Variants in GRIN2A observed in about 807,000 individuals in gnomAD.
GRIN2A encodes glutamate receptor ionotropic, NMDA 2A.
GRIN2A carries 22 observed loss-of-function variants against 113.4 expected under a neutral mutation model. The observed-to-expected ratio is 0.19, with a 90% CI of 0.14 to 0.28. The LOEUF (loss-of-function observed/expected upper bound fraction) is 0.28. Among genes scored for constraint, GRIN2A ranks in the 10% least tolerant of loss-of-function variants. The probability of loss-of-function intolerance (pLI) is 1.00; values close to 1 mark genes in which losing one functional copy is unlikely to be tolerated. For synonymous variants in GRIN2A, 827 were observed against 738.4 expected (o/e 1.12, Z -1.94); for missense variants, 1,502 against 1,887.0 (o/e 0.80, Z 3.78).
At chr16:10,146,817 A>G (rs1448002661) in intron 2 of GRIN2A, among the ~76,000 whole-genome samples, 1 of 151,862 alleles carries the variant, frequency 6.6e-6, no homozygotes, top group Non-Finnish European at 1.5e-5. Flanking sequence ...GCTTTTGGAG[A>G]AACTACATAA....
chr16:10,093,350 A>G (rs17671178), intron 2 of GRIN2A, among the ~76,000 whole-genome samples: 12,756 of 152,258 alleles, frequency 0.084, 698 homozygotes, highest in Non-Finnish European at 0.13. Flanking sequence ...TCATAGGCAC[A>G]TCCCAGGTGT....
intron 2 of GRIN2A, among the ~76,000 whole-genome samples, chr16:10,035,107 C>G (rs1360033618): frequency 6.6e-6 from 1 of 151,852 alleles, no homozygotes. Context: ...CTCACTACAG[C>G]CTTGAACTCT....
intron 2 of GRIN2A, among the ~76,000 whole-genome samples, chr16:10,156,747 A>T (rs1279751857): frequency 6.6e-6 from 1 of 152,206 alleles, no homozygotes; most frequent in African/African-American, 2.4e-5. Context: ...ACTAACAATG[A>T]CATGTTTCAC....
In GRIN2A at chr16:9,937,255, G is replaced by T. The variant is rs187592035; in HGVS notation, c.1007+704C>A. ...GCGGGAGGTGGGGATGATCAATAGG[G>T]TAAAAAAAAACATAGAAAGAATGAA... On this transcript the variant is annotated intron_variant, in intron 3 of 12. Transcript: ENST00000330684. Among the ~76,000 whole-genome samples, 313 of 151,418 alleles carry T rather than the reference G, an allele frequency of 2.1e-3. 1 individual carries two copies. The highest frequency in any genetic ancestry group is 5.3e-3 in the African/African-American group (219 of 41,276).
At position 9,832,089 on chromosome 16, in the gene GRIN2A, T is replaced by G. The variant is rs537830139; in HGVS notation, c.1777+2016A>C. Among the ~76,000 whole-genome samples the G allele has an allele frequency of 5.2e-4, 29 of 56,236 alleles. No individual in the cohort carries two copies. In the South Asian group the frequency reaches 0.015, roughly 29 times the overall value. 36.9% of individuals were successfully genotyped at this position (56,236 alleles called of 152,430 possible). A position where few individuals can be genotyped will look rare whatever the true frequency, so the allele number is the denominator to read the frequency against. On this transcript the variant is annotated intron_variant, in intron 8 of 12. Transcript: ENST00000330684. ...ACGCATCATCACGCCAGGCTTATTTTATTTATTTATTTATTTATTTATTTA... is the reference window on the plus strand; with the variant it reads ...ACGCATCATCACGCCAGGCTTATTTGATTTATTTATTTATTTATTTATTTA...
chr16:10,106,904 C>T (rs909092643), intron 2 of GRIN2A, among the ~76,000 whole-genome samples: 3 of 152,160 alleles, frequency 2.0e-5, no homozygotes, highest in Admixed American at 6.5e-5. Flanking sequence ...CTCCCGAGAA[C>T]ATGCCAGAAT....
intron 5 of GRIN2A, among the ~76,000 whole-genome samples, chr16:9,846,072 A>C (rs1414507685): frequency 2.0e-5 from 3 of 152,232 alleles, no homozygotes; most frequent in Non-Finnish European, 4.4e-5. Context: ...TTTCACTGTA[A>C]AGGAATTCAG....
chr16:10,056,164 G>T (rs1219952782), intron 2 of GRIN2A, among the ~76,000 whole-genome samples: 1 of 152,138 alleles, frequency 6.6e-6, no homozygotes, highest in Admixed American at 6.5e-5. Flanking sequence ...TAATAACAGA[G>T]AAGATAAATA....
rs192781903 is a variant in GRIN2A at position 10,162,436 on chromosome 16, T to C, written c.414+17562A>G. ...ATCACAGTCTTTATTACAGCAAAGA[T>C]GGTTTAAACAACAGAAATGTAATTT... On this transcript the variant is annotated intron_variant, in intron 2 of 12. Transcript: ENST00000330684. Among the ~76,000 whole-genome samples the C allele has an allele frequency of 3.3e-5, 5 of 152,348 alleles. No individual in the cohort carries two copies. In the South Asian group the frequency reaches 6.2e-4, roughly 19 times the overall value.
intron 2 of GRIN2A, among the ~76,000 whole-genome samples, chr16:9,954,323 T>G (rs2045257044): frequency 6.6e-6 from 1 of 151,888 alleles, no homozygotes; most frequent in Admixed American, 6.6e-5. Flanking sequence ...AAAAAGGAAG[T>G]GAAAATTAGA....
At chr16:9,900,979 G>A (rs898548167) in intron 3 of GRIN2A, among the ~76,000 whole-genome samples, 2 of 152,198 alleles carry the variant, frequency 1.3e-5, no homozygotes, top group Non-Finnish European at 2.9e-5. Flanking sequence ...AGATGTGCGT[G>A]CATGTTGCTC....
intron 2 of GRIN2A, among the ~76,000 whole-genome samples, chr16:10,105,990 G>A (rs2048493542): frequency 6.6e-6 from 1 of 152,116 alleles, no homozygotes; most frequent in Non-Finnish European, 1.5e-5. Context: ...GCACATACAT[G>A]CATACATGTG....
At chr16:9,912,424 T>C (rs1323871141) in intron 3 of GRIN2A, among the ~76,000 whole-genome samples, 1 of 146,726 alleles carries the variant, frequency 6.8e-6, no homozygotes, top group Non-Finnish European at 1.5e-5. Flanking sequence ...ACGTAGCCCC[T>C]GATGAAATGC....
chr16:10,109,893 A>AT (rs199714817), intron 2 of GRIN2A, among the ~76,000 whole-genome samples: 28,766 of 151,464 alleles, frequency 0.19, 3,517 homozygotes, highest in East Asian at 0.43. Context: ...AAAAAATAAA[A>AT]TTTTTTTTAA....
At chr16:10,053,135 G>A (rs8056514) in intron 2 of GRIN2A, among the ~76,000 whole-genome samples, 17,556 of 152,028 alleles carry the variant, frequency 0.12, 1,222 homozygotes, top group African/African-American at 0.18. Flanking sequence ...TTCTGCCACT[G>A]TTCAGGGCCA....
rs2141404067 is a variant in GRIN2A at position 9,863,193 on chromosome 16, T to C, written c.1123-13232A>G. ...AAATATTAAGGCAAACATGAGCAGT[T>C]TGGTTTCTTAAGGGAATATTTCATG... On this transcript the variant is annotated intron_variant, in intron 4 of 12. Transcript: ENST00000330684. Among the ~76,000 whole-genome samples, 4 of 152,198 alleles carry C rather than the reference T, an allele frequency of 2.6e-5. No individual in the cohort carries two copies. The South Asian group carries it at 8.3e-4, about 32-fold the overall frequency.
chr16:10,120,451 T>A (rs2048811446), intron 2 of GRIN2A, among the ~76,000 whole-genome samples: 1 of 152,174 alleles, frequency 6.6e-6, no homozygotes, highest in Non-Finnish European at 1.5e-5. Flanking sequence ...CTTTCTCCGT[T>A]CTCCTATTTA....
At chr16:10,056,850 T>C (rs2047464904) in intron 2 of GRIN2A, among the ~76,000 whole-genome samples, 2 of 152,178 alleles carry the variant, frequency 1.3e-5, no homozygotes, top group African/African-American at 2.4e-5. Context: ...ACATCTAGCC[T>C]CTAGAACTGT....
chr16:9,875,596 A>G (rs1188060723), intron 4 of GRIN2A, among the ~76,000 whole-genome samples: 2 of 152,250 alleles, frequency 1.3e-5, no homozygotes, highest in Non-Finnish European at 2.9e-5. Context: ...GGGAAATAAT[A>G]GAACAGAGAC....
Sources: gnomAD v4.1 joint callset for allele counts (sites outside exome capture counted in the v4.1 genomes callset) on GRCh38, gnomAD v4.1.1 for gene constraint, MANE v1.5 for transcripts, NCBI Gene and HGNC (gene_info 2026-07-23, HGNC 2026-07-21) for gene names.